Variants in PRMT9 observed in about 807,000 individuals in gnomAD.
PRMT9 encodes protein arginine N-methyltransferase 9.
PRMT9 carries 59 observed loss-of-function variants against 83.2 expected under a neutral mutation model. The observed-to-expected ratio is 0.71, with a 90% CI of 0.57 to 0.88. The LOEUF (loss-of-function observed/expected upper bound fraction) is 0.88. Ranked by LOEUF, PRMT9 falls within the 40% of genes least tolerant of loss-of-function variation. The probability of loss-of-function intolerance (pLI) is 0.00; values close to 1 mark genes in which losing one functional copy is unlikely to be tolerated. For synonymous variants in PRMT9, 333 were observed against 353.2 expected, an observed-to-expected ratio of 0.94 and a Z score of 0.64; for missense variants, 947 against 1,021.9, an observed-to-expected ratio of 0.93 and a Z score of 1.00.
At chr4:147,641,161 C>T (rs897888288) in intron 10 of PRMT9, among the ~76,000 whole-genome samples, 35 of 152,184 alleles carry the variant, frequency 2.3e-4, no homozygotes, top group African/African-American at 8.0e-4. Context: ...CCTAACACAG[C>T]AACCACAGCA....
At chr4:147,652,963 A>AT (rs1734216153) in intron 9 of PRMT9, among the ~76,000 whole-genome samples, 1 of 152,222 alleles carries the variant, frequency 6.6e-6, no homozygotes, top group Non-Finnish European at 1.5e-5. Flanking sequence ...AACTGAAGGT[A>AT]TCAGTATTCA....
At chr4:147,658,791 C>A (rs1336913154) in intron 7 of PRMT9, among the ~76,000 whole-genome samples, 2 of 152,134 alleles carry the variant, frequency 1.3e-5, no homozygotes, top group Non-Finnish European at 2.9e-5. Flanking sequence ...AGGAAAGCTT[C>A]TATTAAATTA....
chr4:147,668,203 G>A (rs1012273435), intron 6 of PRMT9, among the ~76,000 whole-genome samples: 1 of 152,234 alleles, frequency 6.6e-6, no homozygotes, highest in Non-Finnish European at 1.5e-5. Context: ...ATCCCCACAA[G>A]TTGAGGGAGG....
intron 7 of PRMT9, among the ~76,000 whole-genome samples, chr4:147,659,295 G>T (rs1340791740): frequency 6.6e-6 from 1 of 151,768 alleles, no homozygotes; most frequent in Admixed American, 6.6e-5. Flanking sequence ...CAGCTACTCG[G>T]GAGGCTGAAG....
chr4:147,653,851 C>T lies in PRMT9; in HGVS notation c.2045+1G>A. On this transcript the variant is annotated splice_donor_variant, in intron 9 of 11. Coordinates refer to ENST00000322396, the MANE Select transcript of PRMT9 (RefSeq NM_138364.4). LOFTEE classifies it high-confidence loss of function. ...CCAAAAGTTATTATTTTGTGTTTTA[C>T]CTGGATATTGCAGCTTTTTCCATTA... 1 of 1,605,850 alleles carries T rather than the reference C, an allele frequency of 6.2e-7. No individual in the cohort carries two copies. The highest frequency in any genetic ancestry group is 8.5e-7 in the Non-Finnish European group (1 of 1,173,206).
chr4:147,646,118 G>A (rs1302190797), intron 9 of PRMT9, among the ~76,000 whole-genome samples: 2 of 152,192 alleles, frequency 1.3e-5, no homozygotes, highest in Non-Finnish European at 2.9e-5. Context: ...TGCAATCTAT[G>A]CCTTTACCAA....
chr4:147,648,660 T>C (rs1168782941), intron 9 of PRMT9, among the ~76,000 whole-genome samples: 1 of 152,194 alleles, frequency 6.6e-6, no homozygotes, highest in African/African-American at 2.4e-5. Context: ...GACATACTTG[T>C]AACTGGCATC....
intron 4 of PRMT9, 28 bp from the exon 5 acceptor site, chr4:147,670,771 G>T: frequency 7.2e-7 from 1 of 1,397,004 alleles, no homozygotes; most frequent in East Asian, 2.3e-5. Flanking sequence ...AAAGATATAT[G>T]TAAGTAAAAT....
intron 7 of PRMT9, among the ~76,000 whole-genome samples, chr4:147,658,624 G>A (rs997908346): frequency 7.9e-5 from 12 of 152,142 alleles, no homozygotes; most frequent in African/African-American, 2.9e-4. Flanking sequence ...AGGATAGTTC[G>A]GGGGTAAATG....
At chr4:147,668,363 C>G (rs965469919) in intron 6 of PRMT9, among the ~76,000 whole-genome samples, 176 bp downstream of exon 6, 11 of 152,176 alleles carry the variant, frequency 7.2e-5, no homozygotes, top group African/African-American at 1.7e-4. Flanking sequence ...CTCTGCCCCC[C>G]ATAACCTGCC....
At chr4:147,681,762 G>A (rs1451821164) in intron 1 of PRMT9, among the ~76,000 whole-genome samples, 2 of 148,090 alleles carry the variant, frequency 1.4e-5, no homozygotes, top group Non-Finnish European at 3.0e-5. Flanking sequence ...ATTCCAGCCT[G>A]CGTGATACAG....
At chr4:147,671,197 A>AT (rs1183891880) in intron 4 of PRMT9, among the ~76,000 whole-genome samples, 7 of 152,218 alleles carry the variant, frequency 4.6e-5, no homozygotes, top group Non-Finnish European at 7.4e-5. Context: ...CTCAGTTATC[A>AT]TTTTTTTATC....
intron 9 of PRMT9, among the ~76,000 whole-genome samples, chr4:147,651,037 A>G (rs1734064339): frequency 6.6e-6 from 1 of 152,030 alleles, no homozygotes; most frequent in African/African-American, 2.4e-5. Context: ...CAGGAGGTGG[A>G]GCTTGCAGTG....
intron 6 of PRMT9, among the ~76,000 whole-genome samples, chr4:147,666,570 T>C (rs1229592189): frequency 5.3e-5 from 8 of 152,224 alleles, no homozygotes; most frequent in African/African-American, 1.7e-4. Flanking sequence ...CTGATGTATT[T>C]GTCTTTCTGC....
intron 9 of PRMT9, 62 bp downstream of exon 9, chr4:147,653,790 A>AT: frequency 6.9e-6 from 8 of 1,162,082 alleles, no homozygotes; most frequent in Non-Finnish European, 1.0e-5. Context: ...AACTTAAGGA[A>AT]TTTACATAAA....
At chr4:147,650,975 G>T (rs764063706) in intron 9 of PRMT9, among the ~76,000 whole-genome samples, 1 of 152,058 alleles carries the variant, frequency 6.6e-6, no homozygotes, top group Admixed American at 6.6e-5. Flanking sequence ...GGTGGCATGC[G>T]CCTGTAGTCC....
At chr4:147,641,029 T>G (rs144681746) in intron 10 of PRMT9, among the ~76,000 whole-genome samples, 1 of 152,294 alleles carries the variant, frequency 6.6e-6, no homozygotes, top group African/African-American at 2.4e-5. Context: ...TAAAATATAT[T>G]GAGGATCTCA....
At chr4:147,643,064 A>T (rs1411984129) in intron 9 of PRMT9, 124 bp from the exon 10 acceptor site, 8 of 791,470 alleles carry the variant, frequency 1.0e-5, no homozygotes, top group Non-Finnish European at 1.7e-5. Context: ...GTTCAAGACC[A>T]GCCTGGGCAA....
chr4:147,683,831 T>C lies in PRMT9; in HGVS notation c.157A>G (p.Ser53Gly), dbSNP rs1191973499. The C allele has an allele frequency of 6.2e-7, 1 of 1,609,154 alleles. No individual in the cohort carries two copies. The highest frequency in any genetic ancestry group is 2.2e-5 in the East Asian group (1 of 44,568). Residue 53 changes from serine to glycine, a missense_variant, in exon 1 of 12, where the codon AGC (serine) becomes GGC (glycine). Ser to Gly is a moderately conservative substitution (Grantham distance 56). Coordinates refer to ENST00000322396, the MANE Select transcript of PRMT9 (RefSeq NM_138364.4). The part of the protein sequence containing the change: ...TAYAHYLLVL[S>G]LAPELKHDVK... Reference sequence around the variant, plus strand: ...TCGTGTTTCAGCTCCGGCGCCAGGCTGAGCACGAGGAGGTAGTGGGCATAG... The same window carrying C: ...TCGTGTTTCAGCTCCGGCGCCAGGCCGAGCACGAGGAGGTAGTGGGCATAG...
Sources: allele counts gnomAD v4.1 joint callset (sites outside exome capture counted in the v4.1 genomes callset), GRCh38; gene constraint gnomAD v4.1.1; transcripts MANE v1.5; gene names NCBI Gene and HGNC (gene_info 2026-07-23, HGNC 2026-07-21).